DKK2: variants seen among roughly 807,000 people sequenced by gnomAD.
DKK2 encodes the protein dickkopf-related protein 2.
DKK2 carries 11 observed loss-of-function variants against 28.1 expected under a neutral mutation model. The ratio of observed to expected loss-of-function variants is 0.39; its 90% CI spans 0.25 to 0.65. The LOEUF (loss-of-function observed/expected upper bound fraction) is 0.65. Ranked by LOEUF, DKK2 falls within the 30% of genes least tolerant of loss-of-function variation. The pLI, the probability that DKK2 is intolerant of heterozygous loss-of-function variation, is 0.47. For missense variants in DKK2, 326 were observed against 335.5 expected, an observed-to-expected ratio of 0.97 and a Z score of 0.22; for synonymous variants, 135 against 126.5, an observed-to-expected ratio of 1.07 and a Z score of -0.45.
intron 1 of DKK2, among the ~76,000 whole-genome samples, chr4:107,003,420 T>G (rs566165281): frequency 1.9e-4 from 29 of 152,240 alleles, no homozygotes; most frequent in Non-Finnish European, 2.2e-4. Flanking sequence ...CTCTACTTCT[T>G]GGATGCTCTG....
intron 1 of DKK2, among the ~76,000 whole-genome samples, chr4:106,972,380 T>C (rs1722880214): frequency 1.3e-5 from 2 of 151,404 alleles, no homozygotes; most frequent in African/African-American, 4.9e-5. Flanking sequence ...GCAGAGAGTC[T>C]CTGGAATGTT....
rs1266849329 is a variant in DKK2 at position 106,972,395 on chromosome 4, T to A, written c.223-46446A>T. On this transcript the variant is annotated intron_variant, in intron 1 of 3. Coordinates refer to ENST00000285311, the MANE Select transcript of DKK2 (RefSeq NM_014421.3). The stretch of plus-strand genomic sequence containing the variant: ...GCAGAGAGTCTCTGGAATGTTATTA[T>A]CTTTCCAGGTTTAACAATGAAAATC... Among the ~76,000 whole-genome samples, 3 of 151,270 alleles carry A rather than the reference T, an allele frequency of 2.0e-5. No homozygotes were observed. The East Asian group carries it at 5.9e-4, about 30-fold the overall frequency.
intron 1 of DKK2, among the ~76,000 whole-genome samples, chr4:106,993,006 A>G (rs1723226033): frequency 6.6e-6 from 1 of 152,244 alleles, no homozygotes; most frequent in African/African-American, 2.4e-5. Flanking sequence ...GATACTGCAA[A>G]GAACCAGCAT....
rs1401996441 is a variant in DKK2, at chr4:106,923,945, C to T, written c.*9G>A. On this transcript the variant is annotated 3_prime_UTR_variant, in exon 4 of 4. Coordinates refer to ENST00000285311, the MANE Select transcript of DKK2 (RefSeq NM_014421.3). ...ACAGTCTGCAATTGATGATGTTCCTCAATGGTGATCAAATTTTCTGACACA... is the reference window on the plus strand; with the variant it reads ...ACAGTCTGCAATTGATGATGTTCCTTAATGGTGATCAAATTTTCTGACACA... The T allele has an allele frequency of 6.2e-7, 1 of 1,612,914 alleles. No homozygotes were observed. The highest frequency in any genetic ancestry group is 1.7e-5 in the Admixed American group (1 of 60,002).
chr4:106,936,774 G>A (rs1228592776), intron 1 of DKK2, among the ~76,000 whole-genome samples: 1 of 152,130 alleles, frequency 6.6e-6, no homozygotes, highest in South Asian at 2.1e-4. Flanking sequence ...TCTCTCAGCA[G>A]AAACCCTACA....
intron 1 of DKK2, among the ~76,000 whole-genome samples, chr4:107,017,639 GA>G (rs542470290): frequency 1.8e-4 from 26 of 147,178 alleles, no homozygotes; most frequent in East Asian, 7.9e-4. Context: ...TTGCTTTCTT[GA>G]AAAAAAAAAC....
intron 1 of DKK2, among the ~76,000 whole-genome samples, chr4:107,000,349 T>A (rs1723341534): frequency 6.6e-6 from 1 of 152,220 alleles, no homozygotes; most frequent in Admixed American, 6.5e-5. Flanking sequence ...GAATGAAGAA[T>A]GTTGTTTACA....
intron 1 of DKK2, among the ~76,000 whole-genome samples, chr4:106,999,223 C>T (rs1229673682): frequency 2.0e-5 from 3 of 152,224 alleles, no homozygotes; most frequent in South Asian, 2.1e-4. Context: ...ATCTAGCAGA[C>T]AGCCTGGGTA....
chr4:106,967,824 AAAAG>A (rs1722804979), intron 1 of DKK2, among the ~76,000 whole-genome samples: 1 of 151,328 alleles, frequency 6.6e-6, no homozygotes, highest in African/African-American at 2.4e-5. Flanking sequence ...AAGAAAGAAA[AAAAG>A]GAAGGAAGGC....
At chr4:107,024,081 A>G (rs577217832) in intron 1 of DKK2, among the ~76,000 whole-genome samples, 14 of 152,188 alleles carry the variant, frequency 9.2e-5, no homozygotes, top group African/African-American at 3.1e-4. Flanking sequence ...CACCAATACA[A>G]CCTGGCTTTA....
intron 1 of DKK2, among the ~76,000 whole-genome samples, chr4:106,970,638 A>G (rs1560582987): frequency 6.6e-6 from 1 of 152,036 alleles, no homozygotes; most frequent in Admixed American, 6.6e-5. Context: ...TCAAAATTCC[A>G]TCTCATTACC....
chr4:107,010,928 G>C (rs1233537080), intron 1 of DKK2, among the ~76,000 whole-genome samples: 2 of 151,286 alleles, frequency 1.3e-5, no homozygotes, highest in Non-Finnish European at 3.0e-5. Context: ...AATGAAAGTA[G>C]AGCGAAGCAT....
At chr4:106,924,400 T>A (rs975349798) in intron 3 of DKK2, 145 bp downstream of exon 3, 47 of 1,275,468 alleles carry the variant, frequency 3.7e-5, no homozygotes, top group Non-Finnish European at 4.7e-5. Flanking sequence ...TTTCCATTAT[T>A]TGCCACCTAA....
chr4:107,011,451 A>G (rs911192354), intron 1 of DKK2, among the ~76,000 whole-genome samples: 2 of 151,644 alleles, frequency 1.3e-5, no homozygotes, highest in African/African-American at 4.8e-5. Flanking sequence ...ATAATTAACC[A>G]TATCTTGTTT....
At chr4:106,957,656 A>G (rs1442444134) in intron 1 of DKK2, among the ~76,000 whole-genome samples, 1 of 149,878 alleles carries the variant, frequency 6.7e-6, no homozygotes, top group African/African-American at 2.5e-5. Context: ...CGCAAGGACA[A>G]AAAACCAAAC....
chr4:106,976,526 T>C (rs1211202997), intron 1 of DKK2, among the ~76,000 whole-genome samples: 1 of 152,194 alleles, frequency 6.6e-6, no homozygotes, highest in East Asian at 1.9e-4. Context: ...TCTTTGTTGG[T>C]TTAAAGTCTG....
At chr4:107,012,854 T>A (rs1390348624) in intron 1 of DKK2, among the ~76,000 whole-genome samples, 1 of 151,140 alleles carries the variant, frequency 6.6e-6, no homozygotes, top group Non-Finnish European at 1.5e-5. Flanking sequence ...CTTACCTGAA[T>A]GGAAGGTCCC....
intron 1 of DKK2, among the ~76,000 whole-genome samples, chr4:106,983,372 A>AAAGAAAG (rs1560585856): frequency 6.9e-6 from 1 of 143,976 alleles, no homozygotes; most frequent in African/African-American, 2.5e-5. Flanking sequence ...AAGAAAGAAG[A>AAAGAAAG]AAGAAAAGAA....
At chr4:107,021,108 G>A (rs1723685417) in intron 1 of DKK2, among the ~76,000 whole-genome samples, 1 of 152,026 alleles carries the variant, frequency 6.6e-6, no homozygotes, top group Non-Finnish European at 1.5e-5. Flanking sequence ...CAATTGACAT[G>A]GAAAGGTTTA....
Sources: allele counts gnomAD v4.1 joint callset (sites outside exome capture counted in the v4.1 genomes callset), GRCh38; gene constraint gnomAD v4.1.1; transcripts MANE v1.5; gene names NCBI Gene and HGNC (gene_info 2026-07-23, HGNC 2026-07-21).